The following FAM98B variants were observed in gnomAD, a reference collection of about 807,000 sequenced individuals.
FAM98B encodes tRNA splicing ligase complex subunit 3B.
In FAM98B, 32 loss-of-function variants were observed where a neutral mutation model predicts 43.9. The observed-to-expected ratio is 0.73, with a 90% confidence interval of 0.55 to 0.98. FAM98B has a LOEUF of 0.98. Among genes scored for constraint, FAM98B ranks in the 50% least tolerant of loss-of-function variants. The pLI, the probability that FAM98B is intolerant of heterozygous loss-of-function variation, is 0.00. For missense variants in FAM98B, 514 were observed against 522.9 expected (o/e 0.98, Z 0.17); for synonymous variants, 190 against 174.0 (o/e 1.09, Z -0.72).
In FAM98B at chr15:38,475,341, T is replaced by C. The variant is rs142667192; in HGVS notation, c.729+1043T>C. ...CTTTCCATGTGATATATTAGTTTCC[T>C]ATGGCTGCTGTGAAAGTTTACCACA... On this transcript the variant is annotated intron_variant, in intron 6 of 7. Transcript: ENST00000397609. Among the ~76,000 whole-genome samples, 293 of 152,318 alleles carry C rather than the reference T, an allele frequency of 1.9e-3. 2 individuals are homozygous for C. Among genetic ancestry groups the C allele is most frequent in the African/African-American group, 6.8e-3 (284 of 41,556 alleles).
At chr15:38,470,692 G>A (rs1003199504) in intron 4 of FAM98B, 2 of 214,766 alleles carry the variant, frequency 9.3e-6, no homozygotes, top group Non-Finnish European at 9.1e-6. Context: ...CTTAACCAGG[G>A]TTTTAATGTA....
chr15:38,473,783 A>C (rs1890158167), intron 5 of FAM98B, among the ~76,000 whole-genome samples, 198 bp downstream of exon 5: 1 of 152,192 alleles, frequency 6.6e-6, no homozygotes, highest in South Asian at 2.1e-4. Context: ...CTGGCTGAGG[A>C]TATTGATAGT....
chr15:38,475,604 T>C (rs547754540), intron 6 of FAM98B, among the ~76,000 whole-genome samples: 2 of 152,274 alleles, frequency 1.3e-5, no homozygotes, highest in South Asian at 4.2e-4. Context: ...TCTGCTTCCA[T>C]TGTCACATCG....
chr15:38,459,021 A>G (rs1889901717), intron 1 of FAM98B: 1 of 337,770 alleles, frequency 3.0e-6, no homozygotes, highest in Non-Finnish European at 6.0e-6. Context: ...GGAACACCCC[A>G]CACCGGCCAG....
intron 1 of FAM98B, among the ~76,000 whole-genome samples, chr15:38,461,122 T>C (rs532418069): frequency 6.6e-6 from 1 of 152,382 alleles, no homozygotes; most frequent in South Asian, 2.1e-4. Context: ...TGTTGGTTTT[T>C]ATTATTGACA....
chr15:38,470,865 A>G (rs1038288140), intron 4 of FAM98B, among the ~76,000 whole-genome samples: 2 of 152,106 alleles, frequency 1.3e-5, no homozygotes, highest in Non-Finnish European at 1.5e-5. Context: ...AGTGCATTAT[A>G]TAATGAATGG....
In FAM98B at chr15:38,484,895, TA is replaced by T. The variant is rs140274019; in HGVS notation, c.*242del. 445 of 499,116 alleles carry T rather than the reference TA, an allele frequency of 8.9e-4. 3 individuals carry two copies. The highest frequency in any genetic ancestry group is 8.3e-3 in the African/African-American group (415 of 50,122). 30.9% of individuals were successfully genotyped at this position (499,116 alleles called of 1,614,324 possible). ...TACCCTTGAGCATGTTGTGTCTTTTTAAAAAACAAAAAAAAGAACAAAAATT... is the reference window on the plus strand; with the variant it reads ...TACCCTTGAGCATGTTGTGTCTTTTTAAAAACAAAAAAAAGAACAAAAATT... On this transcript the variant is annotated 3_prime_UTR_variant, in exon 8 of 8. Transcript: ENST00000397609.
chr15:38,470,354 C>T lies in FAM98B; in HGVS notation c.480C>T (p.Pro160=). The part of the protein sequence containing the change: ...VQAMFDTLGI[P]KSTTSDIPHM... The stretch of plus-strand genomic sequence containing the variant: ...CTATGTTTGATACACTTGGTATACC[C>T]AAGTCAACAACTTCTGACATTCCGC... Residue 160 remains proline (P), a synonymous_variant, in exon 4 of 8, where the codon CCC becomes CCT. Transcript: ENST00000397609. 6.2e-7 allele frequency: 1 copy of T among 1,603,728 alleles called. No individual in the cohort carries two copies. The highest frequency in any genetic ancestry group is 1.3e-5 in the African/African-American group (1 of 74,354).
intron 3 of FAM98B, among the ~76,000 whole-genome samples, chr15:38,468,298 C>T (rs559863813): frequency 4.3e-4 from 66 of 152,140 alleles, no homozygotes; most frequent in African/African-American, 1.4e-3. Flanking sequence ...TGTGATGGTG[C>T]GATTGTAGCC....
In FAM98B at chr15:38,477,839, C is replaced by T. The variant is rs576101604; in HGVS notation, c.730-3453C>T. On this transcript the variant is annotated intron_variant, in intron 6 of 7. Coordinates refer to ENST00000397609, the MANE Select transcript of FAM98B (RefSeq NM_173611.4). ...GAGTAACTGCTTTGTGCAAGAAGCT[C>T]GAGTGCTGTTAAGAGCTGTAAGTTA... 2.6e-5 allele frequency among the ~76,000 whole-genome samples: 4 copies of T among 152,194 alleles called. No individual in the cohort carries two copies. In the South Asian group the frequency reaches 8.3e-4, roughly 32 times the overall value.
Position 38,473,493 on chromosome 15 carries a change from ATTTAC to A in FAM98B, c.532-8_532-4del, listed in dbSNP as rs1444780140. 6.3e-7 allele frequency: 1 copy of A among 1,580,764 alleles called. No individual in the cohort carries two copies. The highest frequency in any genetic ancestry group is 8.6e-7 in the Non-Finnish European group (1 of 1,159,290). On this transcript the variant is annotated splice_polypyrimidine_tract_variant and splice_region_variant and intron_variant, in intron 4 of 7. Coordinates refer to ENST00000397609, the MANE Select transcript of FAM98B (RefSeq NM_173611.4). ...ATATACATTTTTCACAATCTTTTAT[ATTTAC>A]TTTTAGGTGAAAGATATTCTCTCAA...
At chr15:38,477,038 C>A (rs1890211101) in intron 6 of FAM98B, among the ~76,000 whole-genome samples, 1 of 151,852 alleles carries the variant, frequency 6.6e-6, no homozygotes, top group Admixed American at 6.6e-5. Context: ...GTGCTCACAC[C>A]TATAATCTCA....
chr15:38,477,629 A>T (rs1490916436), intron 6 of FAM98B, among the ~76,000 whole-genome samples: 1 of 152,204 alleles, frequency 6.6e-6, no homozygotes, highest in Non-Finnish European at 1.5e-5. Context: ...TTTAATAAAC[A>T]TTCAGCACTT....
At chr15:38,469,423 G>A (rs1256288228) in intron 3 of FAM98B, among the ~76,000 whole-genome samples, 2 of 152,166 alleles carry the variant, frequency 1.3e-5, no homozygotes, top group Non-Finnish European at 2.9e-5. Flanking sequence ...CCCCTGACCT[G>A]TGTGCTCTGT....
At chr15:38,456,701 TAAG>T (rs922398866) in intron 1 of FAM98B, among the ~76,000 whole-genome samples, 9 of 152,222 alleles carry the variant, frequency 5.9e-5, no homozygotes, top group South Asian at 2.1e-4. Flanking sequence ...TGAGTTGAAA[TAAG>T]AAGGGTGAAT....
At chr15:38,479,464 C>T (rs1363625384) in intron 6 of FAM98B, among the ~76,000 whole-genome samples, 1 of 152,162 alleles carries the variant, frequency 6.6e-6, no homozygotes, top group Admixed American at 6.5e-5. Context: ...CATGGATTTG[C>T]CTATCTGGAC....
chr15:38,484,138 T>C (rs945675654), intron 7 of FAM98B, 117 bp from the exon 8 acceptor site: 7 of 851,682 alleles, frequency 8.2e-6, no homozygotes, highest in Non-Finnish European at 1.3e-5. Context: ...CTGCCATGTC[T>C]GGTACTTTCA....
At chr15:38,463,151 T>C (rs1227267442) in intron 1 of FAM98B, among the ~76,000 whole-genome samples, 1 of 152,146 alleles carries the variant, frequency 6.6e-6, no homozygotes, top group Non-Finnish European at 1.5e-5. Flanking sequence ...GTTTTGAAAA[T>C]TTAAGATTCT....
At chr15:38,470,647 G>A in intron 4 of FAM98B, 1 of 296,796 alleles carries the variant, frequency 3.4e-6, no homozygotes. Flanking sequence ...AGTTTACCAT[G>A]ATAGAAATCA....
Sources: gnomAD v4.1 joint callset for allele counts (sites outside exome capture counted in the v4.1 genomes callset) on GRCh38, gnomAD v4.1.1 for gene constraint, MANE v1.5 for transcripts, NCBI Gene and HGNC (gene_info 2026-07-23, HGNC 2026-07-21) for gene names.